LRRC7: variants seen among roughly 807,000 people sequenced by gnomAD.
The protein encoded by LRRC7 is leucine rich repeat containing 7, also known as leucine-rich repeat-containing protein 7.
In LRRC7, 23 loss-of-function variants were observed where a neutral mutation model predicts 175.7. The observed-to-expected ratio is 0.13, with a 90% CI of 0.09 to 0.19. LRRC7 has a LOEUF of 0.19. LRRC7 is among the 10% of genes least tolerant of loss of function. The probability of loss-of-function intolerance (pLI) is 1.00; values close to 1 mark genes in which losing one functional copy is unlikely to be tolerated. For synonymous variants in LRRC7, 685 were observed against 680.9 expected, an observed-to-expected ratio of 1.01 and a Z score of -0.09; for missense variants, 1,354 against 1,904.7, an observed-to-expected ratio of 0.71 and a Z score of 5.38.
intron 13 of LRRC7, chr1:70,014,096 C>G (rs1303238381): frequency 6.6e-6 from 1 of 151,932 alleles, no homozygotes; most frequent in Non-Finnish European, 1.5e-5. Flanking sequence ...GCATCAAGAG[C>G]AAGTCATGTC....
chr1:70,078,677 A>G (rs1662960860), intron 24 of LRRC7, among the ~76,000 whole-genome samples: 1 of 152,152 alleles, frequency 6.6e-6, no homozygotes, highest in East Asian at 1.9e-4. Flanking sequence ...GTCCTTGGCC[A>G]AGTTGTTAAC....
At chr1:70,098,285 A>G (rs1177004536) in intron 25 of LRRC7, among the ~76,000 whole-genome samples, 1 of 152,186 alleles carries the variant, frequency 6.6e-6, no homozygotes, top group Non-Finnish European at 1.5e-5. Flanking sequence ...GAACAAAGAC[A>G]CAACATACCA....
At chr1:70,009,159 C>T (rs1212175544) in intron 11 of LRRC7, among the ~76,000 whole-genome samples, 1 of 151,946 alleles carries the variant, frequency 6.6e-6, no homozygotes, top group African/African-American at 2.4e-5. Flanking sequence ...TCATTAAATA[C>T]CTTCTTTAAC....
intron 23 of LRRC7, among the ~76,000 whole-genome samples, chr1:70,055,543 A>G (rs535128858): frequency 2.0e-5 from 3 of 152,324 alleles, no homozygotes; most frequent in African/African-American, 4.8e-5. Flanking sequence ...TGGGTAATTT[A>G]TAGAGAAAAG....
intron 7 of LRRC7, among the ~76,000 whole-genome samples, chr1:69,930,998 G>T (rs1034320059): frequency 7.9e-5 from 12 of 152,184 alleles, no homozygotes; most frequent in African/African-American, 2.9e-4. Context: ...CTGTATCAGT[G>T]TGACAACTAT....
intron 3 of LRRC7, among the ~76,000 whole-genome samples, chr1:69,787,593 G>A (rs934998632): frequency 6.6e-6 from 1 of 152,176 alleles, no homozygotes; most frequent in Admixed American, 6.5e-5. Flanking sequence ...AGCTGCCAAG[G>A]CTTGGGGCTT....
chr1:70,096,256 C>T (rs1316419610), intron 25 of LRRC7, among the ~76,000 whole-genome samples: 6 of 152,184 alleles, frequency 3.9e-5, no homozygotes, highest in Non-Finnish European at 7.4e-5. Context: ...GGATTACAGG[C>T]GTGAGCCACC....
chr1:69,704,676 C>A (rs530462647), intron 2 of LRRC7, among the ~76,000 whole-genome samples: 1 of 151,840 alleles, frequency 6.6e-6, no homozygotes, highest in Non-Finnish European at 1.5e-5. Context: ...TTTATTATTT[C>A]CAGACTTTGC....
chr1:69,590,542 T>C (rs1245049), intron 1 of LRRC7, among the ~76,000 whole-genome samples: 23,062 of 152,168 alleles, frequency 0.15, 1,932 homozygotes, highest in Admixed American at 0.19. Flanking sequence ...AAATGGTCCG[T>C]AACAATGGGG....
At chr1:69,829,143 T>C (rs1349518891) in intron 5 of LRRC7, among the ~76,000 whole-genome samples, 1 of 151,946 alleles carries the variant, frequency 6.6e-6, no homozygotes, top group Admixed American at 6.6e-5. Flanking sequence ...TTAGAGCAAA[T>C]CTGAGCAGCA....
intron 10 of LRRC7, among the ~76,000 whole-genome samples, chr1:69,994,049 A>G (rs1324178457): frequency 6.6e-6 from 1 of 152,194 alleles, no homozygotes; most frequent in East Asian, 1.9e-4. Context: ...GGTGCCAAAA[A>G]GAATATGACG....
rs535411676 is a variant in LRRC7, at chr1:69,951,285, TAAC to T, written c.711+19718_711+19720del. On this transcript the variant is annotated intron_variant, in intron 8 of 26. Coordinates refer to ENST00000651989, the MANE Select transcript of LRRC7 (RefSeq NM_001370785.2). Reference sequence around the variant, plus strand: ...TGGCTGTTACTAAAAAGTCAAAAAATAACAAGATACTGGCGAAGTTGCAGAAAA... The same window carrying T: ...TGGCTGTTACTAAAAAGTCAAAAAATAAGATACTGGCGAAGTTGCAGAAAA... Among the ~76,000 whole-genome samples, 448 of 151,852 alleles carry T rather than the reference TAAC, an allele frequency of 3.0e-3. 5 individuals are homozygous for T. Among genetic ancestry groups the T allele is most frequent in the African/African-American group, 0.01 (422 of 41,422 alleles).
chr1:70,097,483 T>C (rs1664494570), intron 25 of LRRC7, among the ~76,000 whole-genome samples: 1 of 152,200 alleles, frequency 6.6e-6, no homozygotes, highest in South Asian at 2.1e-4. Flanking sequence ...TATTGTACTT[T>C]AAGTTTTAGG....
chr1:69,780,493 G>A (rs1358154608), intron 3 of LRRC7, among the ~76,000 whole-genome samples: 9 of 152,018 alleles, frequency 5.9e-5, no homozygotes, highest in Non-Finnish European at 1.0e-4. Context: ...ATAGAAGGGA[G>A]GAAGAAAGGG....
chr1:69,717,786 GAAAGA>G (rs1665577185), intron 2 of LRRC7, among the ~76,000 whole-genome samples: 5 of 19,316 alleles, frequency 2.6e-4, no homozygotes, highest in African/African-American at 1.4e-3. Flanking sequence ...AAGAAAGAAA[GAAAGA>G]AAGAAAGAAA....
chr1:69,574,403 T>C (rs554697456), intron 1 of LRRC7, among the ~76,000 whole-genome samples: 7 of 152,182 alleles, frequency 4.6e-5, no homozygotes, highest in Middle Eastern at 3.4e-3. Flanking sequence ...TGTTATTATA[T>C]TGAAAAAGAT....
intron 2 of LRRC7, among the ~76,000 whole-genome samples, chr1:69,689,600 T>C (rs1165937911): frequency 2.6e-5 from 4 of 152,176 alleles, no homozygotes; most frequent in Admixed American, 6.5e-5. Context: ...GGTGCATTCA[T>C]TCCAGTCTTC....
intron 3 of LRRC7, among the ~76,000 whole-genome samples, chr1:69,784,650 G>T (rs557067395): frequency 6.6e-6 from 1 of 152,014 alleles, no homozygotes; most frequent in African/African-American, 2.4e-5. Context: ...TTCTTAAGTC[G>T]CATGCTTAAC....
intron 7 of LRRC7, among the ~76,000 whole-genome samples, chr1:69,923,485 T>C (rs1259378678): frequency 6.6e-6 from 1 of 151,946 alleles, no homozygotes; most frequent in African/African-American, 2.4e-5. Flanking sequence ...ACCTGTTGTT[T>C]CCTGACTTTT....
Sources: allele counts gnomAD v4.1 joint callset (sites outside exome capture counted in the v4.1 genomes callset), GRCh38; gene constraint gnomAD v4.1.1; transcripts MANE v1.5; gene names NCBI Gene and HGNC (gene_info 2026-07-23, HGNC 2026-07-21).